Variants in SLC24A3 observed in about 807,000 individuals in gnomAD.
SLC24A3 encodes sodium/potassium/calcium exchanger 3.
SLC24A3 carries 28 observed loss-of-function variants against 75.8 expected under a neutral mutation model. The observed-to-expected ratio is 0.37, with a 90% CI of 0.27 to 0.51. The LOEUF (loss-of-function observed/expected upper bound fraction) is 0.51. Among genes scored for constraint, SLC24A3 ranks in the 20% least tolerant of loss-of-function variants. The pLI is 0.94. For missense variants in SLC24A3, 663 were observed against 847.8 expected (o/e 0.78, Z 2.71); for synonymous variants, 372 against 334.1 (o/e 1.11, Z -1.24).
At chr20:19,323,131 G>A (rs913720531) in intron 2 of SLC24A3, among the ~76,000 whole-genome samples, 42 of 150,146 alleles carry the variant, frequency 2.8e-4, no homozygotes, top group African/African-American at 3.9e-4. Flanking sequence ...GCGTGAACCC[G>A]GGAGGCGGAG....
intron 2 of SLC24A3, among the ~76,000 whole-genome samples, chr20:19,379,479 C>T (rs190934907): frequency 3.4e-4 from 52 of 152,106 alleles, no homozygotes; most frequent in African/African-American, 1.1e-3. Context: ...TTGATAAGCC[C>T]GAGTCTCACC....
At chr20:19,464,735 G>A (rs1408437827) in intron 2 of SLC24A3, among the ~76,000 whole-genome samples, 1 of 152,126 alleles carries the variant, frequency 6.6e-6, no homozygotes, top group Non-Finnish European at 1.5e-5. Context: ...AGTATATTGA[G>A]GTCAAGAGAA....
chr20:19,433,089 C>A (rs906718288), intron 2 of SLC24A3, among the ~76,000 whole-genome samples: 1 of 152,098 alleles, frequency 6.6e-6, no homozygotes, highest in Non-Finnish European at 1.5e-5. Context: ...GTGCAAATAG[C>A]TCTCTCTCTA....
intron 2 of SLC24A3, among the ~76,000 whole-genome samples, chr20:19,482,411 T>C (rs1988069915): frequency 6.6e-6 from 1 of 152,162 alleles, no homozygotes; most frequent in Admixed American, 6.5e-5. Context: ...CAAATCTGCT[T>C]GCCCCTCTGC....
At chr20:19,536,125 G>A (rs1374980650) in intron 3 of SLC24A3, among the ~76,000 whole-genome samples, 1 of 152,142 alleles carries the variant, frequency 6.6e-6, no homozygotes, top group African/African-American at 2.4e-5. Flanking sequence ...AGATGCCGCT[G>A]ATGGAGATTA....
At chr20:19,426,348 C>T (rs1987006387) in intron 2 of SLC24A3, among the ~76,000 whole-genome samples, 1 of 152,176 alleles carries the variant, frequency 6.6e-6, no homozygotes, top group African/African-American at 2.4e-5. Context: ...TTTCTTAGAA[C>T]ATGTCCCACT....
intron 6 of SLC24A3, among the ~76,000 whole-genome samples, chr20:19,618,437 A>G (rs2031764899): frequency 6.6e-6 from 1 of 151,910 alleles, no homozygotes; most frequent in Non-Finnish European, 1.5e-5. Flanking sequence ...ATGTATCCTA[A>G]TTTCCTGTTC....
Position 19,717,536 on chromosome 20 carries a change from G to A in SLC24A3, c.1728G>A (p.Leu576=). ...LAVDYGSYIR[L]NSRGLIYSVG... is the part of the protein sequence containing the mutation. ...CTAACCCTCTCTTACAGATCCGGCT[G>A]AATAGCAGGGGGCTGATCTACTCCG... Residue 576 remains leucine, a synonymous_variant, in exon 16 of 17, where the codon CTG becomes CTA. Coordinates refer to ENST00000328041, the MANE Select transcript of SLC24A3 (RefSeq NM_020689.4). The A allele has an allele frequency of 3.1e-6, 5 of 1,614,074 alleles. No homozygotes were observed. The highest frequency in any genetic ancestry group is 4.2e-6 in the Non-Finnish European group (5 of 1,179,952).
rs145471343 is a variant in SLC24A3, at chr20:19,333,432, A to G, written c.271+52345A>G. Among the ~76,000 whole-genome samples the G allele has an allele frequency of 6.9e-3, 1,057 of 152,328 alleles. 9 individuals carry two copies. Among genetic ancestry groups the G allele is most frequent in the Middle Eastern group, 0.041 (12 of 294 alleles). ...AGCAGATGCAGGAGTCTTAGGGGGA[A>G]GTGACAGATTTGGCCTGTTGCAAAG... On this transcript the variant is annotated intron_variant, in intron 2 of 16. Transcript: ENST00000328041.
intron 2 of SLC24A3, among the ~76,000 whole-genome samples, chr20:19,437,437 C>A (rs537860862): frequency 6.6e-6 from 1 of 152,190 alleles, no homozygotes; most frequent in African/African-American, 2.4e-5. Context: ...CCCAGCCATG[C>A]GGAACTGTGA....
At chr20:19,340,527 C>T (rs1025061613) in intron 2 of SLC24A3, among the ~76,000 whole-genome samples, 3 of 152,158 alleles carry the variant, frequency 2.0e-5, no homozygotes, top group Non-Finnish European at 4.4e-5. Flanking sequence ...CAGATGGTGT[C>T]GTGATAAAAG....
At chr20:19,601,901 G>C (rs2031531775) in intron 6 of SLC24A3, among the ~76,000 whole-genome samples, 1 of 152,182 alleles carries the variant, frequency 6.6e-6, no homozygotes, top group African/African-American at 2.4e-5. Flanking sequence ...GGCCAAGCAC[G>C]GTGGCTCACG....
chr20:19,224,404 T>C (rs1981820703), intron 1 of SLC24A3, among the ~76,000 whole-genome samples: 1 of 152,168 alleles, frequency 6.6e-6, no homozygotes, highest in Non-Finnish European at 1.5e-5. Flanking sequence ...TCTTGCAATT[T>C]GGGGCAGGTC....
chr20:19,704,849 C>G (rs2032911580), intron 15 of SLC24A3, among the ~76,000 whole-genome samples: 5 of 152,022 alleles, frequency 3.3e-5, no homozygotes, highest in Admixed American at 2.0e-4. Context: ...ACTGGGCCAC[C>G]AAGACTGGTC....
At chr20:19,636,231 A>G (rs986330911) in intron 6 of SLC24A3, among the ~76,000 whole-genome samples, 2 of 152,196 alleles carry the variant, frequency 1.3e-5, no homozygotes, top group African/African-American at 4.8e-5. Flanking sequence ...GTCATGCTCT[A>G]CTGGTCAAAA....
At chr20:19,248,714 A>T (rs1982565222) in intron 1 of SLC24A3, among the ~76,000 whole-genome samples, 1 of 152,138 alleles carries the variant, frequency 6.6e-6, no homozygotes, top group Admixed American at 6.6e-5. Context: ...CTGTTGCAGC[A>T]CTATTCATGA....
intron 3 of SLC24A3, among the ~76,000 whole-genome samples, chr20:19,536,824 T>C (rs1424767000): frequency 6.6e-6 from 1 of 152,226 alleles, no homozygotes; most frequent in African/African-American, 2.4e-5. Flanking sequence ...GCTAGCCATA[T>C]GTAGAAAGCT....
intron 6 of SLC24A3, among the ~76,000 whole-genome samples, chr20:19,627,599 T>G (rs1248156619): frequency 6.6e-6 from 1 of 152,042 alleles, no homozygotes; most frequent in East Asian, 1.9e-4. Context: ...TCAGGGAGAT[T>G]ATGATAAAAT....
chr20:19,371,788 C>T (rs1350931787), intron 2 of SLC24A3, among the ~76,000 whole-genome samples: 1 of 152,158 alleles, frequency 6.6e-6, no homozygotes, highest in East Asian at 1.9e-4. Context: ...TATTCTGCAG[C>T]GTACAGGTCT....
Sources: allele counts gnomAD v4.1 joint callset (sites outside exome capture counted in the v4.1 genomes callset), GRCh38; gene constraint gnomAD v4.1.1; transcripts MANE v1.5; gene names NCBI Gene and HGNC (gene_info 2026-07-23, HGNC 2026-07-21).